CACNB2: variants seen among roughly 807,000 people sequenced by gnomAD.
CACNB2 encodes the protein calcium voltage-gated channel auxiliary subunit beta 2, also known as voltage-dependent L-type calcium channel subunit beta-2.
Under a neutral mutation model 73.3 loss-of-function variants are expected in CACNB2, and 42 were observed. The ratio of observed to expected loss-of-function variants is 0.57; its 90% CI spans 0.45 to 0.74. CACNB2 has a LOEUF of 0.74. CACNB2 is among the 30% of genes least tolerant of loss of function. The pLI is 0.00. For synonymous variants in CACNB2, 348 were observed against 310.3 expected, an observed-to-expected ratio of 1.12 and a Z score of -1.28; for missense variants, 940 against 853.0, an observed-to-expected ratio of 1.10 and a Z score of -1.27.
chr10:18,424,027 T>C (rs963736019), intron 3 of CACNB2, among the ~76,000 whole-genome samples: 12 of 152,110 alleles, frequency 7.9e-5, no homozygotes, highest in African/African-American at 2.9e-4. Context: ...GTATTTATTA[T>C]AGTGGGATAA....
chr10:18,512,559 T>C (rs1564634880), intron 6 of CACNB2, among the ~76,000 whole-genome samples: 3 of 152,200 alleles, frequency 2.0e-5, no homozygotes, highest in Non-Finnish European at 4.4e-5. Context: ...TTTTTGCACA[T>C]TGTATTGTTG....
intron 3 of CACNB2, among the ~76,000 whole-genome samples, chr10:18,471,674 A>G (rs1333646781): frequency 6.6e-6 from 1 of 152,186 alleles, no homozygotes; most frequent in Non-Finnish European, 1.5e-5. Context: ...ACCACATGTA[A>G]CTATGGCCTG....
chr10:18,167,943 A>G (rs912050232), intron 2 of CACNB2, among the ~76,000 whole-genome samples: 1 of 152,114 alleles, frequency 6.6e-6, no homozygotes, highest in African/African-American at 2.4e-5. Context: ...CCCGACCCCA[A>G]CCCCATTGCA....
At chr10:18,532,158 G>T (rs570253136) in intron 10 of CACNB2, among the ~76,000 whole-genome samples, 1 of 152,176 alleles carries the variant, frequency 6.6e-6, no homozygotes, top group African/African-American at 2.4e-5. Context: ...GATTCTTAAG[G>T]TTGTATCTAC....
intron 3 of CACNB2, among the ~76,000 whole-genome samples, chr10:18,478,663 A>T (rs755422714): frequency 6.6e-6 from 1 of 152,232 alleles, no homozygotes; most frequent in Non-Finnish European, 1.5e-5. Flanking sequence ...TAATAGAGTT[A>T]AGAAGCTTAT....
intron 7 of CACNB2, among the ~76,000 whole-genome samples, chr10:18,516,853 T>C (rs936713650): frequency 1.3e-5 from 2 of 152,160 alleles, no homozygotes; most frequent in Non-Finnish European, 2.9e-5. Flanking sequence ...TCTACCTTGA[T>C]TGTGTCAATT....
chr10:18,414,106 T>G (rs771064209), intron 3 of CACNB2, among the ~76,000 whole-genome samples: 1 of 152,244 alleles, frequency 6.6e-6, no homozygotes, highest in South Asian at 2.1e-4. Flanking sequence ...GGGATATGAC[T>G]GGCATTGACA....
intron 3 of CACNB2, among the ~76,000 whole-genome samples, chr10:18,430,388 C>CT (rs1207977176): frequency 5.3e-5 from 8 of 151,936 alleles, no homozygotes; most frequent in Non-Finnish European, 1.2e-4. Flanking sequence ...ATCAGGATTT[C>CT]TTTTTTTAGG....
chr10:18,287,468 T>C (rs981727228), intron 2 of CACNB2, among the ~76,000 whole-genome samples: 1 of 152,208 alleles, frequency 6.6e-6, no homozygotes, highest in Non-Finnish European at 1.5e-5. Flanking sequence ...GACATCTGTA[T>C]TAGCTAGGGC....
At chr10:18,282,159 T>A (rs2038581188) in intron 2 of CACNB2, among the ~76,000 whole-genome samples, 1 of 152,040 alleles carries the variant, frequency 6.6e-6, no homozygotes, top group Non-Finnish European at 1.5e-5. Context: ...TTGAGAGTTG[T>A]CCCTAGGGGC....
chr10:18,294,938 A>C (rs967187803), intron 2 of CACNB2, among the ~76,000 whole-genome samples: 1 of 152,252 alleles, frequency 6.6e-6, no homozygotes. Context: ...GTGCCTGCCA[A>C]TGAAGGTTAT....
intron 2 of CACNB2, among the ~76,000 whole-genome samples, chr10:18,290,517 A>G (rs970336914): frequency 6.6e-6 from 1 of 152,318 alleles, no homozygotes; most frequent in Non-Finnish European, 1.5e-5. Context: ...AAAAAACTCA[A>G]TGAAATAAAA....
At chr10:18,367,858 T>C (rs1341089126) in intron 2 of CACNB2, among the ~76,000 whole-genome samples, 4 of 152,246 alleles carry the variant, frequency 2.6e-5, no homozygotes, top group Non-Finnish European at 5.9e-5. Context: ...TTCTGCTTCC[T>C]TAATATCTTA....
At chr10:18,261,109 GC>G (rs1177704270) in intron 2 of CACNB2, 1 of 1,498,832 alleles carries the variant, frequency 6.7e-7, no homozygotes, top group Admixed American at 2.1e-5. Flanking sequence ...AGGAACGGTG[GC>G]TTTTTTAGAA....
chr10:18,196,936 G>A (rs1270591296), intron 2 of CACNB2, among the ~76,000 whole-genome samples: 1 of 151,944 alleles, frequency 6.6e-6, no homozygotes, highest in Non-Finnish European at 1.5e-5. Context: ...TCTTGCTATT[G>A]TTGAATTCAG....
intron 1 of CACNB2, among the ~76,000 whole-genome samples, chr10:18,148,061 T>C (rs1369778648): frequency 2.0e-5 from 3 of 151,404 alleles, no homozygotes; most frequent in African/African-American, 7.3e-5. Flanking sequence ...AATAACAAAA[T>C]AACTGGTCAG....
At position 18,497,203 on chromosome 10, in the gene CACNB2, C is replaced by T. The variant is rs571710130; in HGVS notation, c.334-1152C>T. 2.5e-4 allele frequency among the ~76,000 whole-genome samples: 27 copies of T among 109,060 alleles called. 1 individual carries two copies. In the East Asian group the frequency reaches 3.7e-3, roughly 15 times the overall value. The allele number at this position is 109,060 out of a possible 152,430, so 71.5% of individuals were successfully genotyped here. A position where few individuals can be genotyped will look rare whatever the true frequency, so the allele number is the denominator to read the frequency against. On this transcript the variant is annotated intron_variant, in intron 3 of 13. Transcript: ENST00000324631. The stretch of plus-strand genomic sequence containing the variant: ...CTCCAGCCTGGGCTACAAAGTAAGA[C>T]TCTGTAAAAAAAAAAAAAAAAGAAA...
At chr10:18,500,591 C>CA (rs1343990141) in intron 4 of CACNB2, among the ~76,000 whole-genome samples, 1 of 152,158 alleles carries the variant, frequency 6.6e-6, no homozygotes, top group Non-Finnish European at 1.5e-5. Flanking sequence ...CCTACGGCAG[C>CA]ACCAGGACAG....
chr10:18,331,303 A>G (rs951861754), intron 2 of CACNB2, among the ~76,000 whole-genome samples: 4 of 151,690 alleles, frequency 2.6e-5, no homozygotes, highest in African/African-American at 9.7e-5. Flanking sequence ...TTTTGATTAG[A>G]TGATGCTGGG....
Sources: gnomAD v4.1 joint callset for allele counts (sites outside exome capture counted in the v4.1 genomes callset) on GRCh38, gnomAD v4.1.1 for gene constraint, MANE v1.5 for transcripts, NCBI Gene and HGNC (gene_info 2026-07-23, HGNC 2026-07-21) for gene names.